SLC35F5: variants seen among roughly 807,000 people sequenced by gnomAD.
SLC35F5 encodes solute carrier family 35 member F5, also known as HCV NS5A-transactivated protein 3.
SLC35F5 carries 54 observed loss-of-function variants against 68.6 expected under a neutral mutation model. That is an observed-to-expected ratio of 0.79 (90% CI 0.63 to 0.99). SLC35F5 has a LOEUF of 0.99. Ranked by LOEUF, SLC35F5 falls within the 50% of genes least tolerant of loss-of-function variation. The probability of loss-of-function intolerance (pLI) is 0.00; values close to 1 mark genes in which losing one functional copy is unlikely to be tolerated. For missense variants in SLC35F5, 567 were observed against 626.9 expected, an observed-to-expected ratio of 0.90 and a Z score of 1.02; for synonymous variants, 211 against 205.2, an observed-to-expected ratio of 1.03 and a Z score of -0.24.
chr2:113,746,030 AT>A (rs1676469862), intron 5 of SLC35F5, among the ~76,000 whole-genome samples: 1 of 152,194 alleles, frequency 6.6e-6, no homozygotes. Context: ...ATTGTCCTTT[AT>A]TATTTTCACT....
chr2:113,729,364 T>A (rs769438802), intron 11 of SLC35F5, 37 bp downstream of exon 11: 1 of 1,086,036 alleles, frequency 9.2e-7, no homozygotes. Context: ...GTTAATCATT[T>A]AGAGTAAATA....
intron 3 of SLC35F5, among the ~76,000 whole-genome samples, chr2:113,751,635 C>T (rs1175606869): frequency 6.6e-6 from 1 of 151,482 alleles, no homozygotes; most frequent in Non-Finnish European, 1.5e-5. Flanking sequence ...CATGGCGAAA[C>T]CCTGTCTCTA....
chr2:113,719,028 G>A (rs551162192), intron 14 of SLC35F5, 126 bp downstream of exon 14: 7 of 768,568 alleles, frequency 9.1e-6, no homozygotes, highest in African/African-American at 1.8e-5. Flanking sequence ...TTCATCTGCC[G>A]TAACATATAA....
At position 113,714,839 on chromosome 2, in the gene SLC35F5, T is replaced by C. The variant is rs898296661; in HGVS notation, c.*379A>G. 1 of 152,632 alleles carries C rather than the reference T, an allele frequency of 6.6e-6. No individual in the cohort carries two copies. The highest frequency in any genetic ancestry group is 1.5e-5 in the Non-Finnish European group (1 of 67,980). 9.5% of individuals were successfully genotyped at this position (152,632 alleles called of 1,614,324 possible). On this transcript the variant is annotated 3_prime_UTR_variant, in exon 16 of 16. Coordinates refer to ENST00000245680, the MANE Select transcript of SLC35F5 (RefSeq NM_025181.5). The stretch of plus-strand genomic sequence containing the variant: ...GGTCTATGAACACTTAAGTGATTTC[T>C]TGAAAACATTTTCATAATATATTCC...
chr2:113,703,319 T>G (rs1207111867), downstream of SLC35F5, among the ~76,000 whole-genome samples: 2 of 152,192 alleles, frequency 1.3e-5, no homozygotes, highest in Admixed American at 6.5e-5. Flanking sequence ...ACAGTCCATA[T>G]GCTAAAAGCA....
intron 7 of SLC35F5, among the ~76,000 whole-genome samples, chr2:113,736,827 G>A (rs905388038): frequency 6.6e-6 from 1 of 152,170 alleles, no homozygotes; most frequent in African/African-American, 2.4e-5. Flanking sequence ...ACTTATCTAG[G>A]TTAGGATGGA....
rs996694463 is a variant in SLC35F5 at position 113,707,501 on chromosome 2, G to A, written c.*7717C>T. On this transcript the variant is annotated 3_prime_UTR_variant, in exon 16 of 16. Coordinates refer to ENST00000245680, the MANE Select transcript of SLC35F5 (RefSeq NM_025181.5). ...AAGAAAGGCAAATTAAATATACCTG[G>A]TCCCATATAAGAATTGTTGCCTAAC... Among the ~76,000 whole-genome samples the A allele has an allele frequency of 3.9e-5, 6 of 152,094 alleles. No homozygotes were observed.
At position 113,708,515 on chromosome 2, in the gene SLC35F5, G is replaced by A. The variant is rs184243866; in HGVS notation, c.*6703C>T. Reference sequence around the variant, plus strand: ...AGGTCAAGAGTTCAAGACCAACCTGGCCAACATGGTAAAACCTCCTCTCTA... The same window carrying A: ...AGGTCAAGAGTTCAAGACCAACCTGACCAACATGGTAAAACCTCCTCTCTA... On this transcript the variant is annotated 3_prime_UTR_variant, in exon 16 of 16. Transcript: ENST00000245680. 2.6e-5 allele frequency among the ~76,000 whole-genome samples: 4 copies of A among 152,088 alleles called. No individual in the cohort carries two copies. The East Asian group carries it at 5.8e-4, about 22-fold the overall frequency.
In SLC35F5 at chr2:113,750,511, A is replaced by T; in HGVS notation, c.331T>A (p.Phe111Ile). Residue 111 changes from phenylalanine (F) to isoleucine (I), a missense_variant, in exon 4 of 16, where the codon TTT (phenylalanine) becomes ATT (isoleucine). Phe to Ile is a conservative substitution (Grantham distance 21). Transcript: ENST00000245680. ...ATAAAGCCCAAAAGGTACAAAACAA[A>T]CATAGATGTTTTTGCAAAGGTGCTG... ...FFSTFAKTSM[F>I]VLYLLGFIIW... The T allele has an allele frequency of 6.2e-7, 1 of 1,613,628 alleles. No individual in the cohort carries two copies. The highest frequency in any genetic ancestry group is 8.5e-7 in the Non-Finnish European group (1 of 1,179,736).
chr2:113,751,062 C>T (rs1463373050), intron 3 of SLC35F5, among the ~76,000 whole-genome samples: 1 of 152,086 alleles, frequency 6.6e-6, no homozygotes, highest in Non-Finnish European at 1.5e-5. Flanking sequence ...GGAGGATCCC[C>T]TGAGTTCACA....
chr2:113,710,021 G>A lies in SLC35F5; in HGVS notation c.*5197C>T, dbSNP rs533737223. On this transcript the variant is annotated 3_prime_UTR_variant, in exon 16 of 16. Coordinates refer to ENST00000245680, the MANE Select transcript of SLC35F5 (RefSeq NM_025181.5). ...GTAGAGACAGGGGTCTTGCTGTATT[G>A]CCCAGCCTGATCTTGAACTCCTGGG... Among the ~76,000 whole-genome samples, 1 of 151,824 alleles carries A rather than the reference G, an allele frequency of 6.6e-6. No homozygotes were observed. Among genetic ancestry groups the A allele is most frequent in the Non-Finnish European group, 1.5e-5 (1 of 67,994 alleles).
intron 7 of SLC35F5, among the ~76,000 whole-genome samples, chr2:113,741,308 G>A (rs560026019): frequency 4.3e-4 from 66 of 152,232 alleles, no homozygotes; most frequent in Admixed American, 7.8e-4. Flanking sequence ...ATTGTTTAAC[G>A]GATACTTTCA....
At position 113,712,668 on chromosome 2, in the gene SLC35F5, A is replaced by AT. The variant is rs1687031813; in HGVS notation, c.*2549dup. On this transcript the variant is annotated 3_prime_UTR_variant, in exon 16 of 16. Transcript: ENST00000245680. ...ATTTTTCAGCTTTGTTGTAGTTGAG[A>AT]TTCTGATGTTCACCTAACAAAGTCC... 1.3e-5 allele frequency: 2 copies of AT among 152,226 alleles called. No homozygotes were observed. The allele number at this position is 152,226 out of a possible 1,614,324, so 9.4% of individuals were successfully genotyped here. A position where few individuals can be genotyped will look rare whatever the true frequency, so the allele number is the denominator to read the frequency against.
intron 3 of SLC35F5, among the ~76,000 whole-genome samples, chr2:113,751,222 T>C (rs1308565654): frequency 1.3e-5 from 2 of 152,058 alleles, no homozygotes; most frequent in Non-Finnish European, 2.9e-5. Context: ...AGGAGACATA[T>C]ATATGAAGAG....
At chr2:113,731,158 C>T (rs1021355128) in intron 10 of SLC35F5, among the ~76,000 whole-genome samples, 1 of 152,064 alleles carries the variant, frequency 6.6e-6, no homozygotes, top group Admixed American at 6.5e-5. Context: ...CTAGGTGGTA[C>T]CCTACAAAAG....
At chr2:113,734,546 T>A (rs1688014226) in intron 9 of SLC35F5, 40 bp downstream of exon 9, 5 of 1,168,532 alleles carry the variant, frequency 4.3e-6, no homozygotes, top group Non-Finnish European at 6.2e-6. Flanking sequence ...AATATTGTAT[T>A]TTTAAGCAGA....
intron 9 of SLC35F5, 52 bp downstream of exon 9, chr2:113,734,534 G>GT: frequency 1.9e-6 from 2 of 1,032,430 alleles, no homozygotes; most frequent in Non-Finnish European, 2.9e-6. Flanking sequence ...ATCAGAAATT[G>GT]TAATATTGTA....
rs1442157301 is a variant in SLC35F5 at position 113,708,788 on chromosome 2, G to C, written c.*6430C>G. ...ATCATACACTCAAAATTTTAGCTTG[G>C]ATTTGTTTTGCAACTGATTTGATGC... is the stretch of plus-strand genomic sequence containing the variant. On this transcript the variant is annotated 3_prime_UTR_variant, in exon 16 of 16. Transcript: ENST00000245680. Among the ~76,000 whole-genome samples, 1 of 152,138 alleles carries C rather than the reference G, an allele frequency of 6.6e-6. No individual in the cohort carries two copies. Among genetic ancestry groups the C allele is most frequent in the Non-Finnish European group, 1.5e-5 (1 of 68,022 alleles).
chr2:113,736,002 C>A, intron 7 of SLC35F5, 144 bp from the exon 8 acceptor site: 1 of 535,800 alleles, frequency 1.9e-6, no homozygotes, highest in Admixed American at 3.6e-5. Flanking sequence ...GAAAAAATCA[C>A]AGGCTCCCAA....
Sources: gnomAD v4.1 joint callset for allele counts (sites outside exome capture counted in the v4.1 genomes callset) on GRCh38, gnomAD v4.1.1 for gene constraint, MANE v1.5 for transcripts, NCBI Gene and HGNC (gene_info 2026-07-23, HGNC 2026-07-21) for gene names.